Variants in ZDHHC14 observed in about 807,000 individuals in gnomAD.
ZDHHC14 encodes the protein palmitoyltransferase ZDHHC14.
In ZDHHC14, 16 loss-of-function variants were observed where a neutral mutation model predicts 47.7. The observed-to-expected ratio is 0.34, with a 90% CI of 0.23 to 0.51. ZDHHC14 has a LOEUF of 0.51. Ranked by LOEUF, ZDHHC14 falls within the 20% of genes least tolerant of loss-of-function variation. The pLI is 0.97. For synonymous variants in ZDHHC14, 293 were observed against 278.9 expected (o/e 1.05, Z -0.50); for missense variants, 515 against 662.5 (o/e 0.78, Z 2.44).
At chr6:157,388,932 T>C (rs950404583) in intron 1 of ZDHHC14, among the ~76,000 whole-genome samples, 1 of 152,230 alleles carries the variant, frequency 6.6e-6, no homozygotes, top group Non-Finnish European at 1.5e-5. Context: ...TTGGTAATTA[T>C]CAGCACCTTG....
At chr6:157,571,946 C>T (rs1438867370) in intron 2 of ZDHHC14, among the ~76,000 whole-genome samples, 4 of 152,022 alleles carry the variant, frequency 2.6e-5, no homozygotes, top group Non-Finnish European at 5.9e-5. Flanking sequence ...CAGATTTTCA[C>T]GTGCATCCAA....
At chr6:157,654,373 A>G (rs1307705530) in intron 8 of ZDHHC14, among the ~76,000 whole-genome samples, 2 of 152,132 alleles carry the variant, frequency 1.3e-5, no homozygotes, top group African/African-American at 2.4e-5. Context: ...GCCTCTCTTT[A>G]TTTGGAACAA....
At chr6:157,655,652 C>G (rs1268200917) in intron 8 of ZDHHC14, among the ~76,000 whole-genome samples, 1 of 152,192 alleles carries the variant, frequency 6.6e-6, no homozygotes, top group Non-Finnish European at 1.5e-5. Context: ...GTGTTGAGGA[C>G]TAGACTAGGA....
rs183119268 is a variant in ZDHHC14 at position 157,419,978 on chromosome 6, A to G, written c.245+37712A>G. Among the ~76,000 whole-genome samples, 6 of 152,360 alleles carry G rather than the reference A, an allele frequency of 3.9e-5. No individual in the cohort carries two copies. In the East Asian group the frequency reaches 7.7e-4, roughly 20 times the overall value. Reference sequence around the variant, plus strand: ...GTTGTCAGTGTTGTGGATTTTAGCCATGCTAGTAAATGTGTAGTAGTATCT... The same window carrying G: ...GTTGTCAGTGTTGTGGATTTTAGCCGTGCTAGTAAATGTGTAGTAGTATCT... On this transcript the variant is annotated intron_variant, in intron 1 of 8. Coordinates refer to ENST00000359775, the MANE Select transcript of ZDHHC14 (RefSeq NM_024630.3).
chr6:157,511,525 C>T (rs559026519), intron 1 of ZDHHC14, among the ~76,000 whole-genome samples: 2 of 148,750 alleles, frequency 1.3e-5, no homozygotes, highest in African/African-American at 5.0e-5. Context: ...GGATTACAGG[C>T]ATGCGCCACG....
chr6:157,435,013 A>G (rs1006775475), intron 1 of ZDHHC14, among the ~76,000 whole-genome samples: 25 of 152,270 alleles, frequency 1.6e-4, no homozygotes, highest in African/African-American at 5.8e-4. Context: ...ACACAAAGAC[A>G]TAATGCAGAT....
At chr6:157,411,123 T>A (rs1248349525) in intron 1 of ZDHHC14, among the ~76,000 whole-genome samples, 2 of 152,166 alleles carry the variant, frequency 1.3e-5, no homozygotes, top group Non-Finnish European at 2.9e-5. Flanking sequence ...GGATCCCACC[T>A]TAGATCGACT....
At chr6:157,499,775 T>A (rs1780153649) in intron 1 of ZDHHC14, among the ~76,000 whole-genome samples, 1 of 152,214 alleles carries the variant, frequency 6.6e-6, no homozygotes, top group Non-Finnish European at 1.5e-5. Flanking sequence ...TCTAAAATAT[T>A]TCACTTGAAG....
At chr6:157,397,030 G>A (rs2114741542) in intron 1 of ZDHHC14, among the ~76,000 whole-genome samples, 1 of 152,270 alleles carries the variant, frequency 6.6e-6, no homozygotes, top group South Asian at 2.1e-4. Context: ...GATCTATCAG[G>A]ACAATGTCAT....
intron 1 of ZDHHC14, among the ~76,000 whole-genome samples, chr6:157,392,871 A>AT (rs1160286544): frequency 6.6e-6 from 1 of 151,768 alleles, no homozygotes; most frequent in East Asian, 1.9e-4. Flanking sequence ...TTTTATAACA[A>AT]TTTTTTTTAA....
At chr6:157,574,704 T>C (rs1192959816) in intron 2 of ZDHHC14, among the ~76,000 whole-genome samples, 1 of 152,252 alleles carries the variant, frequency 6.6e-6, no homozygotes, top group African/African-American at 2.4e-5. Flanking sequence ...TTAAAGTTTC[T>C]GGAATGTATC....
At chr6:157,486,540 C>A (rs1244326411) in intron 1 of ZDHHC14, among the ~76,000 whole-genome samples, 1 of 152,232 alleles carries the variant, frequency 6.6e-6, no homozygotes, top group Non-Finnish European at 1.5e-5. Flanking sequence ...TCCATTCTCA[C>A]TTCCATGAGC....
intron 2 of ZDHHC14, among the ~76,000 whole-genome samples, chr6:157,567,207 C>T (rs988183932): frequency 6.6e-6 from 1 of 151,970 alleles, no homozygotes; most frequent in Non-Finnish European, 1.5e-5. Context: ...GGATGGTTCC[C>T]AAAACTGTCT....
At chr6:157,516,624 C>T (rs1780702562) in intron 1 of ZDHHC14, among the ~76,000 whole-genome samples, 1 of 152,158 alleles carries the variant, frequency 6.6e-6, no homozygotes, top group South Asian at 2.1e-4. Context: ...GTTAGAGTTG[C>T]TTATTTCTGT....
intron 1 of ZDHHC14, among the ~76,000 whole-genome samples, chr6:157,539,711 C>A (rs1029610089): frequency 1.3e-5 from 2 of 152,228 alleles, no homozygotes; most frequent in Non-Finnish European, 2.9e-5. Flanking sequence ...CAGAACTCTT[C>A]CTGTAGGCTC....
intron 1 of ZDHHC14, among the ~76,000 whole-genome samples, chr6:157,538,774 G>A (rs1781635636): frequency 6.6e-6 from 1 of 152,220 alleles, no homozygotes; most frequent in African/African-American, 2.4e-5. Context: ...AAGCGGTATT[G>A]AGCTGGAACT....
chr6:157,567,432 G>C (rs528798708), intron 2 of ZDHHC14, among the ~76,000 whole-genome samples: 1 of 152,144 alleles, frequency 6.6e-6, no homozygotes, highest in African/African-American at 2.4e-5. Flanking sequence ...CTGTGGTTGC[G>C]GGCTTGGTTC....
intron 1 of ZDHHC14, among the ~76,000 whole-genome samples, chr6:157,467,982 T>C (rs1233063777): frequency 6.6e-6 from 1 of 152,200 alleles, no homozygotes; most frequent in Non-Finnish European, 1.5e-5. Context: ...TATTAAATAA[T>C]TGTGTGTGTT....
intron 2 of ZDHHC14, chr6:157,592,773 C>G (rs1783963284): frequency 7.3e-7 from 1 of 1,365,846 alleles, no homozygotes; most frequent in East Asian, 2.9e-5. Flanking sequence ...TTGGCCAGAG[C>G]TCAGTCACGT....
Sources: gnomAD v4.1 joint callset for allele counts (sites outside exome capture counted in the v4.1 genomes callset) on GRCh38, gnomAD v4.1.1 for gene constraint, MANE v1.5 for transcripts, NCBI Gene and HGNC (gene_info 2026-07-23, HGNC 2026-07-21) for gene names.